MTRF1: variants seen among roughly 807,000 people sequenced by gnomAD.
MTRF1 encodes the protein peptide chain release factor 1, mitochondrial.
A neutral mutation model predicts 62.9 loss-of-function variants in MTRF1; 51 were observed. That is an observed-to-expected ratio of 0.81 (90% CI 0.65 to 1.02). MTRF1 has a LOEUF of 1.02. Ranked by LOEUF, MTRF1 falls within the 50% of genes least tolerant of loss-of-function variation. MTRF1 has a pLI of 0.00. For missense variants in MTRF1, 446 were observed against 530.0 expected (o/e 0.84, Z 1.56); for synonymous variants, 158 against 181.9 (o/e 0.87, Z 1.06).
At chr13:41,267,296 CTT>C (rs2040852063), upstream of MTRF1, among the ~76,000 whole-genome samples, 1 of 152,082 alleles carries the variant, frequency 6.6e-6, no homozygotes, top group African/African-American at 2.4e-5. Context: ...GGTCTAGAAA[CTT>C]GATCAAATTC....
the MTRF1 span, among the ~76,000 whole-genome samples, chr13:41,269,134 ATTTT>A: frequency 9.5e-6 from 1 of 105,122 alleles, no homozygotes; most frequent in East Asian, 2.8e-4. Context: ...AAACCTCTTT[ATTTT>A]TATAACTTCC....
intron 5 of MTRF1, among the ~76,000 whole-genome samples, chr13:41,243,856 A>G (rs940173890): frequency 6.6e-6 from 1 of 152,216 alleles, no homozygotes; most frequent in African/African-American, 2.4e-5. Context: ...GAATACTAAT[A>G]CTAGTTCTAC....
At chr13:41,226,667 C>G (rs2034485233) in intron 7 of MTRF1, 99 bp from the exon 8 acceptor site, 1 of 1,357,952 alleles carries the variant, frequency 7.4e-7, no homozygotes, top group African/African-American at 1.5e-5. Flanking sequence ...AGGAAAAGAT[C>G]ACAAAAGATA....
chr13:41,243,397 CCT>C (rs1381973625), intron 5 of MTRF1, among the ~76,000 whole-genome samples: 1 of 127,986 alleles, frequency 7.8e-6, no homozygotes, highest in Non-Finnish European at 1.7e-5. Context: ...AGAGTGAGAC[CCT>C]GTCTCAAAAA....
chr13:41,265,205 C>T (rs1306801501), upstream of MTRF1, among the ~76,000 whole-genome samples: 1 of 152,142 alleles, frequency 6.6e-6, no homozygotes, highest in East Asian at 1.9e-4. Context: ...GGTGGATCAC[C>T]TGAGGTCAGG....
At chr13:41,302,082 A>G in the MTRF1 span, among the ~76,000 whole-genome samples, 10 of 152,214 alleles carry the variant, frequency 6.6e-5, no homozygotes, top group African/African-American at 2.4e-4. Flanking sequence ...GCTGGAGTGC[A>G]GTGGCACGAT....
intron 6 of MTRF1, among the ~76,000 whole-genome samples, chr13:41,237,780 G>A (rs1182549171): frequency 2.6e-5 from 4 of 152,072 alleles, no homozygotes; most frequent in East Asian, 1.9e-4. Flanking sequence ...GATTACAGGC[G>A]TGAGCCACCA....
At chr13:41,241,807 G>A (rs2037535366) in intron 5 of MTRF1, among the ~76,000 whole-genome samples, 1 of 152,124 alleles carries the variant, frequency 6.6e-6, no homozygotes, top group Admixed American at 6.5e-5. Flanking sequence ...CCTCTGTATC[G>A]GCAGCAATTA....
the MTRF1 span, among the ~76,000 whole-genome samples, chr13:41,272,255 CA>C: frequency 6.6e-6 from 1 of 152,130 alleles, no homozygotes; most frequent in East Asian, 1.9e-4. Context: ...TACAGGGATT[CA>C]AGTCATTAAA....
At chr13:41,224,057 C>A (rs1261079145) in intron 8 of MTRF1, among the ~76,000 whole-genome samples, 1 of 152,214 alleles carries the variant, frequency 6.6e-6, no homozygotes, top group Admixed American at 6.5e-5. Context: ...CGTGGCCAAT[C>A]TTCCCAGTGT....
the MTRF1 span, among the ~76,000 whole-genome samples, chr13:41,285,819 G>A: frequency 6.6e-6 from 1 of 152,054 alleles, no homozygotes; most frequent in Non-Finnish European, 1.5e-5. Flanking sequence ...GGTGGCTCAT[G>A]CCTGTAATCC....
intron 9 of MTRF1, among the ~76,000 whole-genome samples, chr13:41,220,231 G>A (rs1161401182): frequency 1.4e-5 from 2 of 148,026 alleles, no homozygotes; most frequent in Non-Finnish European, 3.0e-5. Context: ...TCAGGAGGCT[G>A]AGGCAGGAGA....
chr13:41,264,575 T>C (rs1187273650), upstream of MTRF1, among the ~76,000 whole-genome samples: 1 of 152,234 alleles, frequency 6.6e-6, no homozygotes, highest in Non-Finnish European at 1.5e-5. Flanking sequence ...ATAGGAGAAT[T>C]AGCTATATAT....
At chr13:41,265,055 TTTAA>T (rs1457596577), upstream of MTRF1, among the ~76,000 whole-genome samples, 2 of 152,240 alleles carry the variant, frequency 1.3e-5, no homozygotes, top group East Asian at 1.9e-4. Context: ...CAAAAAGTTC[TTTAA>T]TTATTTATTC....
At chr13:41,261,082 C>T (rs1451853150) in intron 1 of MTRF1, among the ~76,000 whole-genome samples, 167 bp from the exon 2 acceptor site, 1 of 152,190 alleles carries the variant, frequency 6.6e-6, no homozygotes, top group African/African-American at 2.4e-5. Flanking sequence ...GCCAGTAATC[C>T]CAGCACTTTG....
chr13:41,278,219 T>C, the MTRF1 span, among the ~76,000 whole-genome samples: 151,927 of 152,368 alleles, frequency 1, 75,745 homozygotes, highest in Middle Eastern at 1. Flanking sequence ...ATTCCTTTAA[T>C]CTCCTTCTCT....
chr13:41,228,171 CT>C (rs5803083), intron 7 of MTRF1, among the ~76,000 whole-genome samples: 79,560 of 151,968 alleles, frequency 0.52, 21,655 homozygotes, highest in South Asian at 0.62. Flanking sequence ...AAGGGAATCA[CT>C]TTATTATGTA....
chr13:41,253,661 T>C (rs2039359419), intron 3 of MTRF1, among the ~76,000 whole-genome samples: 1 of 152,202 alleles, frequency 6.6e-6, no homozygotes, highest in Non-Finnish European at 1.5e-5. Context: ...AAAGTAAAAG[T>C]ACCTATGTGT....
chr13:41,271,659 A>G, the MTRF1 span, among the ~76,000 whole-genome samples: 1 of 152,086 alleles, frequency 6.6e-6, no homozygotes, highest in Non-Finnish European at 1.5e-5. Context: ...TTAAAAATTA[A>G]TTTTTGTTTG....
Sources: gnomAD v4.1 joint callset for allele counts (sites outside exome capture counted in the v4.1 genomes callset) on GRCh38, gnomAD v4.1.1 for gene constraint, MANE v1.5 for transcripts, NCBI Gene and HGNC (gene_info 2026-07-23, HGNC 2026-07-21) for gene names.